The following MUSK variants were observed in gnomAD, a reference collection of about 807,000 sequenced individuals.
The protein encoded by MUSK is muscle associated receptor tyrosine kinase, also known as muscle, skeletal receptor tyrosine-protein kinase.
MUSK carries 55 observed loss-of-function variants against 88.7 expected under a neutral mutation model. The observed-to-expected ratio is 0.62, with a 90% CI of 0.50 to 0.78. The LOEUF (loss-of-function observed/expected upper bound fraction) is 0.78, where lower values mean the gene tolerates loss of function less well. Ranked by LOEUF, MUSK falls within the 30% of genes least tolerant of loss-of-function variation. The probability of loss-of-function intolerance (pLI) is 0.00; values close to 1 mark genes in which losing one functional copy is unlikely to be tolerated. For missense variants in MUSK, 1,015 were observed against 1,074.3 expected, an observed-to-expected ratio of 0.94 and a Z score of 0.77; for synonymous variants, 387 against 391.9, an observed-to-expected ratio of 0.99 and a Z score of 0.15.
intron 1 of MUSK, among the ~76,000 whole-genome samples, chr9:110,676,759 ATGG>A (rs1282840376): frequency 6.6e-6 from 1 of 152,102 alleles, no homozygotes; most frequent in African/African-American, 2.4e-5. Flanking sequence ...ATAGTATTCC[ATGG>A]TGTATATGTA....
At position 110,741,189 on chromosome 9, in the gene MUSK, T is replaced by C. The variant is rs7861048; in HGVS notation, c.754-6452T>C. Among the ~76,000 whole-genome samples, 778 of 152,266 alleles carry C rather than the reference T, an allele frequency of 5.1e-3. 5 individuals carry two copies. The highest frequency in any genetic ancestry group is 0.018 in the African/African-American group (748 of 41,548). ...GTGAGATGATACTTCACTAGCTTGA[T>C]TGCAGTAATCATTTCATAATATACA... is the stretch of plus-strand genomic sequence containing the variant. On this transcript the variant is annotated intron_variant, in intron 6 of 14. Coordinates refer to ENST00000374448, the MANE Select transcript of MUSK (RefSeq NM_005592.4).
At chr9:110,785,046 T>G in intron 12 of MUSK, 30 bp downstream of exon 12, 1 of 1,579,874 alleles carries the variant, frequency 6.3e-7, no homozygotes, top group Non-Finnish European at 8.7e-7. Flanking sequence ...TAACCATGTG[T>G]AGTAATATTT....
chr9:110,755,980 A>ATG lies in MUSK; in HGVS notation c.914-6221_914-6220insGT, dbSNP rs1564269077. 3.2e-4 allele frequency among the ~76,000 whole-genome samples: 11 copies of ATG among 34,674 alleles called. No individual in the cohort carries two copies. The East Asian group carries it at 6.5e-3, about 21-fold the overall frequency. 22.7% of individuals were successfully genotyped at this position (34,674 alleles called of 152,430 possible). A position where few individuals can be genotyped will look rare whatever the true frequency, so the allele number is the denominator to read the frequency against. ...TATATATATACATATATATATATAC[A>ATG]TATATATATATATATATGAATTTAT... On this transcript the variant is annotated intron_variant, in intron 7 of 14. Transcript: ENST00000374448.
At chr9:110,701,207 G>C (rs919746706) in intron 5 of MUSK, among the ~76,000 whole-genome samples, 10 of 152,190 alleles carry the variant, frequency 6.6e-5, no homozygotes, top group African/African-American at 2.2e-4. Flanking sequence ...TAAAGTTTTA[G>C]TAGAGAGCAG....
intron 11 of MUSK, among the ~76,000 whole-genome samples, chr9:110,783,071 T>TCAAATG (rs1398720752): frequency 6.6e-6 from 1 of 152,192 alleles, no homozygotes; most frequent in Non-Finnish European, 1.5e-5. Context: ...GTGCCCTATT[T>TCAAATG]CAAATGCTTT....
chr9:110,755,951 C>CGTATATATATATATATATAT, intron 7 of MUSK, among the ~76,000 whole-genome samples: 1 of 101,784 alleles, frequency 9.8e-6, no homozygotes, highest in African/African-American at 4.2e-5. Flanking sequence ...TATATATATA[C>CGTATATATATATATATATAT]ACATATATAT....
intron 5 of MUSK, among the ~76,000 whole-genome samples, chr9:110,731,576 T>C (rs2076964050): frequency 6.6e-6 from 1 of 152,028 alleles, no homozygotes; most frequent in Admixed American, 6.6e-5. Flanking sequence ...CTGGCCTTAT[T>C]GTCCTCTTAA....
chr9:110,805,327 T>C lies in MUSK; in HGVS notation c.*4339T>C, dbSNP rs757127576. Among the ~76,000 whole-genome samples, 3 of 151,954 alleles carry C rather than the reference T, an allele frequency of 2.0e-5. No homozygotes were observed. Among genetic ancestry groups the C allele is most frequent in the African/African-American group, 4.8e-5 (2 of 41,452 alleles). On this transcript the variant is annotated 3_prime_UTR_variant, in exon 15 of 15. Coordinates refer to ENST00000374448, the MANE Select transcript of MUSK (RefSeq NM_005592.4). ...CTAGTCAGATAAGACAGCCCATTTA[T>C]TTCAGTCTCACCAATACTGAGTATA... is the stretch of plus-strand genomic sequence containing the variant.
At chr9:110,745,388 T>C (rs1297943571) in intron 6 of MUSK, among the ~76,000 whole-genome samples, 1 of 152,196 alleles carries the variant, frequency 6.6e-6, no homozygotes, top group Non-Finnish European at 1.5e-5. Context: ...TTCCTACTTC[T>C]TGCAGGAGGG....
At chr9:110,699,790 G>A (rs1452537338) in intron 5 of MUSK, among the ~76,000 whole-genome samples, 1 of 152,182 alleles carries the variant, frequency 6.6e-6, no homozygotes, top group East Asian at 1.9e-4. Context: ...CTGCAAATTA[G>A]TTATGCAGTG....
At chr9:110,763,958 A>T (rs1379766477) in intron 8 of MUSK, among the ~76,000 whole-genome samples, 1 of 152,218 alleles carries the variant, frequency 6.6e-6, no homozygotes, top group Non-Finnish European at 1.5e-5. Context: ...CTTTGACCAC[A>T]TAGGGTTGTC....
intron 5 of MUSK, among the ~76,000 whole-genome samples, chr9:110,723,250 C>T (rs2076838462): frequency 6.6e-6 from 1 of 151,554 alleles, no homozygotes; most frequent in South Asian, 2.1e-4. Context: ...CACACACACA[C>T]ACACACACAC....
intron 1 of MUSK, among the ~76,000 whole-genome samples, chr9:110,670,492 A>C (rs2075943224): frequency 6.6e-6 from 1 of 152,316 alleles, no homozygotes; most frequent in Non-Finnish European, 1.5e-5. Flanking sequence ...ACACACACAA[A>C]ACCCCCAAAA....
rs555318251 is a variant in MUSK, at chr9:110,698,849, A to T, written c.628+1383A>T. On this transcript the variant is annotated intron_variant, in intron 5 of 14. Coordinates refer to ENST00000374448, the MANE Select transcript of MUSK (RefSeq NM_005592.4). ...GATTTATTCAGTAAAAACTAAATAA[A>T]CCTACAAACCCACCCAGACACACAT... Among the ~76,000 whole-genome samples the T allele has an allele frequency of 2.6e-5, 4 of 152,230 alleles. No individual in the cohort carries two copies. The South Asian group carries it at 8.3e-4, about 32-fold the overall frequency.
intron 14 of MUSK, among the ~76,000 whole-genome samples, 154 bp from the exon 15 acceptor site, chr9:110,800,152 T>A (rs1233382190): frequency 6.6e-6 from 1 of 152,132 alleles, no homozygotes; most frequent in Admixed American, 6.5e-5. Flanking sequence ...TGTGTTGTGA[T>A]TAAAAGGATA....
At chr9:110,772,206 G>A (rs923491629) in intron 9 of MUSK, among the ~76,000 whole-genome samples, 8 of 151,246 alleles carry the variant, frequency 5.3e-5, no homozygotes, top group Non-Finnish European at 1.0e-4. Flanking sequence ...ATCTTCATGT[G>A]CTAGCACAAA....
rs992598987 is a variant in MUSK, at chr9:110,803,040, C to G, written c.*2052C>G. On this transcript the variant is annotated 3_prime_UTR_variant, in exon 15 of 15. Transcript: ENST00000374448. ...AAGTCTAGAACTTGAGCATAGATAT[C>G]CATGGCTTATTTTAGATGGTTCATG... Among the ~76,000 whole-genome samples the G allele has an allele frequency of 6.6e-6, 1 of 152,204 alleles. No individual in the cohort carries two copies. The highest frequency in any genetic ancestry group is 2.4e-5 in the African/African-American group (1 of 41,446).
intron 7 of MUSK, among the ~76,000 whole-genome samples, chr9:110,757,561 G>C (rs1468642687): frequency 6.6e-6 from 1 of 151,478 alleles, no homozygotes; most frequent in Non-Finnish European, 1.5e-5. Context: ...TCACATATAG[G>C]GAATCATGAG....
chr9:110,691,639 A>G (rs2076357244), intron 3 of MUSK, among the ~76,000 whole-genome samples: 1 of 152,150 alleles, frequency 6.6e-6, no homozygotes, highest in African/African-American at 2.4e-5. Flanking sequence ...TCTTACAATG[A>G]TGTAACCTTC....
Sources: gnomAD v4.1 joint callset for allele counts (sites outside exome capture counted in the v4.1 genomes callset) on GRCh38, gnomAD v4.1.1 for gene constraint, MANE v1.5 for transcripts, NCBI Gene and HGNC (gene_info 2026-07-23, HGNC 2026-07-21) for gene names.